KCNJ3: variants seen among roughly 807,000 people sequenced by gnomAD.
KCNJ3 encodes potassium inwardly rectifying channel subfamily J member 3.
A neutral mutation model predicts 39.2 loss-of-function variants in KCNJ3; 4 were observed. The observed-to-expected ratio is 0.10, with a 90% CI of 0.05 to 0.23. KCNJ3 has a LOEUF of 0.23. Ranked by LOEUF, KCNJ3 falls within the 10% of genes least tolerant of loss-of-function variation. KCNJ3 has a pLI of 1.00. For synonymous variants in KCNJ3, 230 were observed against 237.4 expected (o/e 0.97, Z 0.29); for missense variants, 276 against 634.9 (o/e 0.43, Z 6.08).
chr2:154,763,018 T>C (rs1686072783), intron 2 of KCNJ3, among the ~76,000 whole-genome samples: 1 of 152,214 alleles, frequency 6.6e-6, no homozygotes, highest in South Asian at 2.1e-4. Context: ...CAAGCCTCAG[T>C]TTCTTCATCT....
intron 1 of KCNJ3, among the ~76,000 whole-genome samples, chr2:154,701,895 C>T (rs1684904030): frequency 6.6e-6 from 1 of 151,912 alleles, no homozygotes; most frequent in Non-Finnish European, 1.5e-5. Flanking sequence ...GTTAATCTTT[C>T]CTGTAGGCAT....
chr2:154,850,008 C>CTTTTTTTTTTTTTTTTTTTT (rs373062062), intron 2 of KCNJ3, among the ~76,000 whole-genome samples: 4 of 48,860 alleles, frequency 8.2e-5, no homozygotes, highest in Non-Finnish European at 1.4e-4. Flanking sequence ...CAGAATAAAT[C>CTTTTTTTTTTTTTTTTTTTT]TTTTTTTTTT....
chr2:154,744,140 T>C (rs1197270698), intron 2 of KCNJ3, among the ~76,000 whole-genome samples: 3 of 151,760 alleles, frequency 2.0e-5, no homozygotes, highest in African/African-American at 4.8e-5. Flanking sequence ...GCAGATTAAA[T>C]TGATTGATTT....
intron 2 of KCNJ3, among the ~76,000 whole-genome samples, chr2:154,768,017 AC>A (rs2105193860): frequency 6.6e-6 from 1 of 152,126 alleles, no homozygotes; most frequent in Admixed American, 6.5e-5. Context: ...TCCTTCACCC[AC>A]TTTTTGATGG....
At chr2:154,835,377 AG>A (rs1687438861) in intron 2 of KCNJ3, among the ~76,000 whole-genome samples, 2 of 150,960 alleles carry the variant, frequency 1.3e-5, no homozygotes, top group African/African-American at 4.9e-5. Context: ...AATATATTTA[AG>A]GGTAAATATC....
intron 2 of KCNJ3, among the ~76,000 whole-genome samples, chr2:154,825,747 T>G (rs1203813307): frequency 6.6e-6 from 1 of 151,492 alleles, no homozygotes; most frequent in Non-Finnish European, 1.5e-5. Flanking sequence ...CAGCTAATTT[T>G]TTTTAACTTT....
intron 2 of KCNJ3, among the ~76,000 whole-genome samples, chr2:154,811,105 A>G (rs2105101536): frequency 6.6e-6 from 1 of 152,294 alleles, no homozygotes; most frequent in Middle Eastern, 3.4e-3. Context: ...TATGCTTAAT[A>G]TGTACCAAGT....
chr2:154,835,941 T>C (rs573158436), intron 2 of KCNJ3, among the ~76,000 whole-genome samples: 80 of 152,286 alleles, frequency 5.3e-4, no homozygotes, highest in Non-Finnish European at 1.1e-3. Context: ...CAGATTATCT[T>C]TTAGTTTAAA....
intron 2 of KCNJ3, among the ~76,000 whole-genome samples, chr2:154,799,494 T>A (rs1373280867): frequency 6.6e-6 from 1 of 151,994 alleles, no homozygotes; most frequent in Non-Finnish European, 1.5e-5. Flanking sequence ...GGGTCTAGGG[T>A]GAGGAGGATG....
intron 2 of KCNJ3, among the ~76,000 whole-genome samples, chr2:154,740,231 T>G (rs1685629246): frequency 6.6e-6 from 1 of 152,140 alleles, no homozygotes; most frequent in South Asian, 2.1e-4. Flanking sequence ...GGAAACTAAT[T>G]TTTAGTAATG....
rs1412731061 is a variant in KCNJ3 at position 154,699,572 on chromosome 2, G to A, written c.702+95G>A. The A allele has an allele frequency of 1.4e-6, 2 of 1,470,418 alleles. No individual in the cohort carries two copies. Among genetic ancestry groups the A allele is most frequent in the Non-Finnish European group, 9.0e-7 (1 of 1,113,286 alleles). 91.1% of individuals were successfully genotyped at this position (1,470,418 alleles called of 1,614,324 possible). ...GAACCAGCCCGGGCCCCCTCCCCTG[G>A]TTCTACCTATAGCCACAGGTAAACT... is the stretch of plus-strand genomic sequence containing the variant. On this transcript the variant is annotated intron_variant, in intron 1 of 2. Transcript: ENST00000295101. This position sits in a 1 kb window ranked among gnomAD's most constrained non-coding sequence, Gnocchi z 6.4.
At chr2:154,743,763 A>C (rs1685691313) in intron 2 of KCNJ3, among the ~76,000 whole-genome samples, 1 of 151,586 alleles carries the variant, frequency 6.6e-6, no homozygotes, top group South Asian at 2.1e-4. Context: ...AAAATCATGC[A>C]ATCTCCAAAA....
chr2:154,720,762 G>T (rs1685252805), intron 2 of KCNJ3, among the ~76,000 whole-genome samples: 1 of 152,114 alleles, frequency 6.6e-6, no homozygotes. Context: ...TGGACCTTAT[G>T]AACTGAACGT....
intron 2 of KCNJ3, among the ~76,000 whole-genome samples, chr2:154,789,268 G>A (rs1686586901): frequency 6.6e-6 from 1 of 152,010 alleles, no homozygotes. Flanking sequence ...GAAGACAGTG[G>A]TCATGGGGGA....
chr2:154,803,220 A>T (rs2591151), intron 2 of KCNJ3, among the ~76,000 whole-genome samples: 24,382 of 151,874 alleles, frequency 0.16, 2,458 homozygotes, highest in East Asian at 0.37. Flanking sequence ...AGAATGTAAT[A>T]CTCAAGAAGC....
At chr2:154,761,762 A>C (rs1320479160) in intron 2 of KCNJ3, among the ~76,000 whole-genome samples, 6 of 152,188 alleles carry the variant, frequency 3.9e-5, no homozygotes, top group African/African-American at 1.4e-4. Flanking sequence ...TGTGAGAATT[A>C]TGTAAAATGT....
intron 2 of KCNJ3, among the ~76,000 whole-genome samples, chr2:154,728,775 G>A (rs1409388924): frequency 6.6e-6 from 1 of 152,062 alleles, no homozygotes; most frequent in Non-Finnish European, 1.5e-5. Flanking sequence ...AGTATTCGTG[G>A]GATTCTGGGC....
At chr2:154,760,564 T>G (rs1480683040) in intron 2 of KCNJ3, among the ~76,000 whole-genome samples, 2 of 151,888 alleles carry the variant, frequency 1.3e-5, no homozygotes, top group Non-Finnish European at 2.9e-5. Context: ...TCTCTCTCTC[T>G]CTCTTTCTTG....
At chr2:154,811,157 C>T (rs947484427) in intron 2 of KCNJ3, among the ~76,000 whole-genome samples, 28 of 152,098 alleles carry the variant, frequency 1.8e-4, no homozygotes, top group East Asian at 1.9e-4. Context: ...CAGAAACTTA[C>T]GCAGTTATGC....
Sources: allele counts gnomAD v4.1 joint callset (sites outside exome capture counted in the v4.1 genomes callset), GRCh38; gene constraint gnomAD v4.1.1; non-coding constraint Gnocchi (gnomAD v3.1); transcripts MANE v1.5; gene names NCBI Gene and HGNC (gene_info 2026-07-23, HGNC 2026-07-21).